The following ULK4 variants were observed in gnomAD, a reference collection of about 807,000 sequenced individuals.
ULK4 encodes unc-51 like kinase 4.
Under a neutral mutation model 160.6 loss-of-function variants are expected in ULK4, and 133 were observed. That is an observed-to-expected ratio of 0.83 (90% confidence interval 0.72 to 0.96). The LOEUF is 0.96. Ranked by LOEUF, ULK4 falls within the 40% of genes least tolerant of loss-of-function variation. The pLI is 0.00. For missense variants in ULK4, 1,580 were observed against 1,499.5 expected (o/e 1.05, Z -0.89); for synonymous variants, 534 against 539.8 (o/e 0.99, Z 0.15).
chr3:41,853,174 C>G (rs1001873642), intron 17 of ULK4, among the ~76,000 whole-genome samples: 1 of 152,176 alleles, frequency 6.6e-6, no homozygotes, highest in African/African-American at 2.4e-5. Context: ...AAACCCCTTC[C>G]TCAGAGTTTC....
intron 22 of ULK4, among the ~76,000 whole-genome samples, chr3:41,738,726 T>TA (rs1480888162): frequency 6.6e-6 from 1 of 151,962 alleles, no homozygotes; most frequent in Non-Finnish European, 1.5e-5. Context: ...CTGTTGACTG[T>TA]AACCAAAAAA....
At chr3:41,899,857 A>C (rs1227444478) in intron 13 of ULK4, among the ~76,000 whole-genome samples, 1 of 152,234 alleles carries the variant, frequency 6.6e-6, no homozygotes, top group Non-Finnish European at 1.5e-5. Context: ...AAAATAGCTA[A>C]ATAATCTATA....
rs148281764 is a variant in ULK4, at chr3:41,819,173, A to G, written c.1848+250T>C. Among the ~76,000 whole-genome samples, 4 of 152,332 alleles carry G rather than the reference A, an allele frequency of 2.6e-5. No individual in the cohort carries two copies. In the East Asian group the frequency reaches 7.7e-4, roughly 29 times the overall value. ...AAGAATATGCTATTGAATGTTAGTT[A>G]CATTGTTTATATAAGCTATCATTCC... On this transcript the variant is annotated intron_variant, in intron 19 of 36. Coordinates refer to ENST00000301831, the MANE Select transcript of ULK4 (RefSeq NM_017886.4).
chr3:41,742,164 C>T (rs1457306952), intron 22 of ULK4, among the ~76,000 whole-genome samples: 2 of 151,906 alleles, frequency 1.3e-5, no homozygotes, highest in African/African-American at 2.4e-5. Flanking sequence ...AACCCACCCC[C>T]AGGGAAACAG....
At chr3:41,367,819 G>T (rs1336775235) in intron 35 of ULK4, among the ~76,000 whole-genome samples, 1 of 151,924 alleles carries the variant, frequency 6.6e-6, no homozygotes, top group Non-Finnish European at 1.5e-5. Context: ...TCACCATTAG[G>T]ATTTACAATC....
At chr3:41,790,008 T>C (rs1575712653) in intron 20 of ULK4, among the ~76,000 whole-genome samples, 165 bp from the exon 21 acceptor site, 1 of 152,186 alleles carries the variant, frequency 6.6e-6, no homozygotes. Flanking sequence ...AACTTAAAAA[T>C]AAAACAATCT....
At chr3:41,602,311 GAA>G (rs2032135497) in intron 31 of ULK4, among the ~76,000 whole-genome samples, 1 of 140,220 alleles carries the variant, frequency 7.1e-6, no homozygotes, top group Non-Finnish European at 1.5e-5. Context: ...GAAAGGAAAG[GAA>G]AGGAAAGGAG....
intron 35 of ULK4, among the ~76,000 whole-genome samples, chr3:41,267,177 C>T (rs1293543514): frequency 6.6e-6 from 1 of 152,018 alleles, no homozygotes; most frequent in Non-Finnish European, 1.5e-5. Context: ...CCGCATCCCC[C>T]AACAGGCCCT....
At chr3:41,473,027 T>C (rs900091748) in intron 32 of ULK4, among the ~76,000 whole-genome samples, 15 of 152,174 alleles carry the variant, frequency 9.9e-5, no homozygotes, top group African/African-American at 3.4e-4. Context: ...AATAGATGCA[T>C]AGAAATAATT....
At chr3:41,453,132 T>C (rs1162348503) in intron 34 of ULK4, among the ~76,000 whole-genome samples, 1 of 152,160 alleles carries the variant, frequency 6.6e-6, no homozygotes, top group African/African-American at 2.4e-5. Context: ...TCTAGCTCAT[T>C]GTCAGCACTG....
chr3:41,816,045 G>A (rs911588707), intron 19 of ULK4, among the ~76,000 whole-genome samples: 1 of 152,046 alleles, frequency 6.6e-6, no homozygotes, highest in African/African-American at 2.4e-5. Flanking sequence ...GAGCCCAGGA[G>A]TTCAAGACCA....
At chr3:41,312,397 C>T (rs2080068249) in intron 35 of ULK4, among the ~76,000 whole-genome samples, 1 of 152,128 alleles carries the variant, frequency 6.6e-6, no homozygotes, top group Admixed American at 6.5e-5. Flanking sequence ...AAGTCAATAA[C>T]AACAACAAGC....
chr3:41,759,935 T>C (rs1305675235), intron 21 of ULK4, among the ~76,000 whole-genome samples: 4 of 152,116 alleles, frequency 2.6e-5, no homozygotes, highest in African/African-American at 7.2e-5. Flanking sequence ...CCTCACTCCA[T>C]ATGCAAAAAT....
chr3:41,408,867 T>C (rs1483692418), intron 34 of ULK4, among the ~76,000 whole-genome samples: 1 of 152,174 alleles, frequency 6.6e-6, no homozygotes, highest in Non-Finnish European at 1.5e-5. Flanking sequence ...GAAAATAGTA[T>C]TCTCTACAAA....
intron 5 of ULK4, among the ~76,000 whole-genome samples, chr3:41,926,665 G>A (rs1270326933): frequency 5.3e-5 from 8 of 149,754 alleles, no homozygotes; most frequent in African/African-American, 2.0e-4. Context: ...ATGACCTGAT[G>A]GAGCTGAAAA....
intron 25 of ULK4, among the ~76,000 whole-genome samples, chr3:41,706,586 G>A (rs569725610): frequency 5.8e-4 from 88 of 150,892 alleles, no homozygotes; most frequent in African/African-American, 2.1e-3. Context: ...CCAGCACTTT[G>A]GGAGGCCAAG....
chr3:41,845,223 C>G (rs2042041166), intron 17 of ULK4, among the ~76,000 whole-genome samples: 1 of 152,102 alleles, frequency 6.6e-6, no homozygotes, highest in Non-Finnish European at 1.5e-5. Flanking sequence ...TCTCGGCCCC[C>G]AAAGTGCTGG....
chr3:41,879,223 G>A (rs1697420946), intron 17 of ULK4, among the ~76,000 whole-genome samples: 1 of 151,888 alleles, frequency 6.6e-6, no homozygotes, highest in South Asian at 2.1e-4. Context: ...GATATTCAGA[G>A]ACTACTGCTG....
intron 35 of ULK4, among the ~76,000 whole-genome samples, chr3:41,278,477 C>T (rs1247362617): frequency 2.0e-5 from 3 of 152,230 alleles, no homozygotes; most frequent in Admixed American, 6.5e-5. Flanking sequence ...TCTGAGAACA[C>T]ACAGACTGCC....
Sources: gnomAD v4.1 joint callset for allele counts (sites outside exome capture counted in the v4.1 genomes callset) on GRCh38, gnomAD v4.1.1 for gene constraint, MANE v1.5 for transcripts, NCBI Gene and HGNC (gene_info 2026-07-23, HGNC 2026-07-21) for gene names.